NIPAL2: variants seen among roughly 807,000 people sequenced by gnomAD.
NIPAL2 encodes NIPA-like protein 2.
NIPAL2 carries 43 observed loss-of-function variants against 48.9 expected under a neutral mutation model. The observed-to-expected ratio is 0.88, with a 90% CI of 0.69 to 1.13. The LOEUF is 1.13. Among genes scored for constraint, NIPAL2 ranks in the 50% most tolerant of loss-of-function variants. The pLI is 0.00. For synonymous variants in NIPAL2, 167 were observed against 174.6 expected (o/e 0.96, Z 0.34); for missense variants, 446 against 461.4 (o/e 0.97, Z 0.31).
intron 6 of NIPAL2, among the ~76,000 whole-genome samples, chr8:98,207,781 A>G (rs1811109689): frequency 6.6e-6 from 1 of 152,222 alleles, no homozygotes; most frequent in Admixed American, 6.5e-5. Context: ...CATAAGGTAT[A>G]TGCTACTTAG....
chr8:98,205,847 G>A (rs1811007663), intron 6 of NIPAL2, among the ~76,000 whole-genome samples: 1 of 152,142 alleles, frequency 6.6e-6, no homozygotes, highest in Non-Finnish European at 1.5e-5. Context: ...TTTTGACAAT[G>A]ACAATAATTG....
At chr8:98,206,316 G>GTGTA (rs138475191) in intron 6 of NIPAL2, among the ~76,000 whole-genome samples, 6 of 147,578 alleles carry the variant, frequency 4.1e-5, no homozygotes, top group African/African-American at 1.3e-4. Context: ...GTGTGTGTGT[G>GTGTA]TATATATATA....
intron 1 of NIPAL2, among the ~76,000 whole-genome samples, chr8:98,262,930 C>G (rs1335542036): frequency 1.3e-5 from 2 of 151,074 alleles, no homozygotes; most frequent in African/African-American, 4.9e-5. Context: ...CAAACTATCT[C>G]TCAGACCACA....
Position 98,248,464 on chromosome 8 carries a change from A to C in NIPAL2, c.376+3999T>G, listed in dbSNP as rs184066102. On this transcript the variant is annotated intron_variant, in intron 3 of 10. Coordinates refer to ENST00000430223, the MANE Select transcript of NIPAL2 (RefSeq NM_001321635.2). ...ACACTGTCCTTAGATGTTTGAGTTT[A>C]CTCAGTTCTTCTGCACAATGACCTC... Among the ~76,000 whole-genome samples, 278 of 152,356 alleles carry C rather than the reference A, an allele frequency of 1.8e-3. 3 individuals carry two copies. Among genetic ancestry groups the C allele is most frequent in the African/African-American group, 6.1e-3 (253 of 41,586 alleles).
chr8:98,196,363 C>A (rs1024404909), intron 8 of NIPAL2, among the ~76,000 whole-genome samples: 2 of 148,694 alleles, frequency 1.3e-5, no homozygotes, highest in Non-Finnish European at 3.0e-5. Context: ...CAGGGGTCAG[C>A]CAGCCTGGCC....
chr8:98,259,039 C>G (rs901938037), intron 1 of NIPAL2, among the ~76,000 whole-genome samples: 7 of 147,912 alleles, frequency 4.7e-5, no homozygotes, highest in African/African-American at 1.5e-4. Flanking sequence ...TTCATCAAGA[C>G]AGCATTATGC....
At chr8:98,293,869 A>AC in intron 1 of NIPAL2, 134 bp downstream of exon 1, 1 of 819,048 alleles carries the variant, frequency 1.2e-6, no homozygotes, top group Non-Finnish European at 1.7e-6. Context: ...ATTGCATGTC[A>AC]CCTCTTCCCA....
intron 9 of NIPAL2, among the ~76,000 whole-genome samples, chr8:98,195,079 G>A (rs1810483608): frequency 6.6e-6 from 1 of 152,122 alleles, no homozygotes. Flanking sequence ...CAAAACCCTT[G>A]GGGACACCCT....
intron 4 of NIPAL2, among the ~76,000 whole-genome samples, chr8:98,227,278 C>T (rs1812223971): frequency 6.6e-6 from 1 of 152,134 alleles, no homozygotes; most frequent in Non-Finnish European, 1.5e-5. Flanking sequence ...AGCTGCAAGA[C>T]AAAATCATTT....
In NIPAL2 at chr8:98,254,008, T is replaced by C. The variant is rs1467395103; in HGVS notation, c.204+11A>G. 3.1e-6 allele frequency: 5 copies of C among 1,592,974 alleles called. No individual in the cohort carries two copies. The African/African-American group carries it at 6.7e-5, about 21-fold the overall frequency. On this transcript the variant is annotated intron_variant, in intron 2 of 10. Coordinates refer to ENST00000430223, the MANE Select transcript of NIPAL2 (RefSeq NM_001321635.2). ...AATCTATAGTGTTAGAAAAATAAGCTTTTTTCTTACCTGAATATTTAGAGA... is the reference window on the plus strand; with the variant it reads ...AATCTATAGTGTTAGAAAAATAAGCCTTTTTCTTACCTGAATATTTAGAGA...
chr8:98,224,264 A>C (rs1812040515), intron 4 of NIPAL2, among the ~76,000 whole-genome samples: 1 of 152,248 alleles, frequency 6.6e-6, no homozygotes, highest in African/African-American at 2.4e-5. Context: ...CCTCAAAGTT[A>C]ACTACTACCA....
At chr8:98,225,390 A>G (rs553349036) in intron 4 of NIPAL2, among the ~76,000 whole-genome samples, 1 of 152,316 alleles carries the variant, frequency 6.6e-6, no homozygotes, top group East Asian at 1.9e-4. Context: ...CTTTTTCTAA[A>G]AGTGGTATGA....
At chr8:98,273,287 TA>T (rs751989354) in intron 1 of NIPAL2, among the ~76,000 whole-genome samples, 2 of 152,200 alleles carry the variant, frequency 1.3e-5, no homozygotes, top group Non-Finnish European at 1.5e-5. Flanking sequence ...TATATGATTC[TA>T]TTAATATTAA....
chr8:98,223,138 T>C (rs1281430698), intron 4 of NIPAL2, among the ~76,000 whole-genome samples: 1 of 152,230 alleles, frequency 6.6e-6, no homozygotes, highest in Non-Finnish European at 1.5e-5. Context: ...ATCACTGCCA[T>C]TTATTGGAGT....
At chr8:98,268,807 T>G (rs1814941524) in intron 1 of NIPAL2, among the ~76,000 whole-genome samples, 1 of 152,214 alleles carries the variant, frequency 6.6e-6, no homozygotes, top group Non-Finnish European at 1.5e-5. Context: ...CACTGTAGTT[T>G]ATTAAGTATA....
At chr8:98,247,526 C>T (rs1173757013) in intron 3 of NIPAL2, among the ~76,000 whole-genome samples, 3 of 152,162 alleles carry the variant, frequency 2.0e-5, no homozygotes, top group South Asian at 2.1e-4. Context: ...TGGCACCACC[C>T]GCATCTCACA....
At chr8:98,264,575 G>T (rs1814586015) in intron 1 of NIPAL2, among the ~76,000 whole-genome samples, 1 of 151,028 alleles carries the variant, frequency 6.6e-6, no homozygotes, top group Non-Finnish European at 1.5e-5. Flanking sequence ...ACTTACAAGG[G>T]ATGTGAAGGA....
chr8:98,264,818 G>A (rs528438141), intron 1 of NIPAL2, among the ~76,000 whole-genome samples: 1 of 152,234 alleles, frequency 6.6e-6, no homozygotes, highest in East Asian at 1.9e-4. Flanking sequence ...AGCCTGCATT[G>A]CCAAGTCAAT....
intron 5 of NIPAL2, among the ~76,000 whole-genome samples, chr8:98,219,045 G>T (rs938328205): frequency 6.6e-6 from 1 of 152,178 alleles, no homozygotes; most frequent in Non-Finnish European, 1.5e-5. Context: ...TTTCCAACAG[G>T]ATCAGGGGTA....
Sources: gnomAD v4.1 joint callset for allele counts (sites outside exome capture counted in the v4.1 genomes callset) on GRCh38, gnomAD v4.1.1 for gene constraint, MANE v1.5 for transcripts, NCBI Gene and HGNC (gene_info 2026-07-23, HGNC 2026-07-21) for gene names.